Variants in CUBN observed in about 807,000 individuals in gnomAD.
CUBN encodes the protein cubilin, also known as 460 kDa receptor.
Under a neutral mutation model 405.3 loss-of-function variants are expected in CUBN, and 282 were observed. The observed-to-expected ratio is 0.70, with a 90% confidence interval of 0.63 to 0.77. The LOEUF (loss-of-function observed/expected upper bound fraction) is 0.77, where lower values mean the gene tolerates loss of function less well. Among genes scored for constraint, CUBN ranks in the 30% least tolerant of loss-of-function variants. The pLI, the probability that CUBN is intolerant of heterozygous loss-of-function variation, is 0.00. For synonymous variants in CUBN, 1,684 were observed against 1,617.0 expected (o/e 1.04, Z -0.99); for missense variants, 4,514 against 4,475.2 (o/e 1.01, Z -0.25).
intron 43 of CUBN, among the ~76,000 whole-genome samples, chr10:16,924,090 G>A (rs1842115511): frequency 6.7e-6 from 1 of 148,802 alleles, no homozygotes; most frequent in Admixed American, 6.7e-5. Context: ...AAAAGACTGA[G>A]TCTATTATAA....
chr10:16,921,446 C>G (rs948033480), intron 43 of CUBN, among the ~76,000 whole-genome samples: 1 of 152,122 alleles, frequency 6.6e-6, no homozygotes, highest in African/African-American at 2.4e-5. Context: ...GTCTGTCTCT[C>G]TCCTTCTCTC....
chr10:16,942,943 A>G (rs185008142), intron 36 of CUBN, among the ~76,000 whole-genome samples: 44 of 152,232 alleles, frequency 2.9e-4, no homozygotes, highest in African/African-American at 1.0e-3. Flanking sequence ...CTTCTCTGTC[A>G]TGTGTATCTT....
chr10:16,884,136 C>T (rs564750585), intron 56 of CUBN, among the ~76,000 whole-genome samples: 15 of 152,074 alleles, frequency 9.9e-5, no homozygotes, highest in South Asian at 4.1e-4. Context: ...CCCGCCACCA[C>T]GCCCGGCTAA....
intron 28 of CUBN, among the ~76,000 whole-genome samples, chr10:17,009,708 G>A (rs984944891): frequency 6.6e-6 from 1 of 152,160 alleles, no homozygotes; most frequent in Non-Finnish European, 1.5e-5. Flanking sequence ...TCTGGATATT[G>A]GAACCCAGGC....
intron 39 of CUBN, among the ~76,000 whole-genome samples, chr10:16,935,475 G>T (rs187529261): frequency 6.6e-6 from 1 of 152,244 alleles, no homozygotes; most frequent in African/African-American, 2.4e-5. Context: ...TAAGCTCCTG[G>T]AGAGTAGAGA....
intron 36 of CUBN, among the ~76,000 whole-genome samples, chr10:16,946,246 T>C (rs949911921): frequency 1.3e-5 from 2 of 152,198 alleles, no homozygotes; most frequent in Non-Finnish European, 2.9e-5. Context: ...GTGTCACATA[T>C]ACCTCTCTAT....
chr10:17,054,138 G>A (rs1253267020), intron 22 of CUBN, among the ~76,000 whole-genome samples: 1 of 151,754 alleles, frequency 6.6e-6, no homozygotes, highest in Admixed American at 6.6e-5. Context: ...CAAGACCAGG[G>A]TGACCAATAT....
chr10:17,017,178 C>T (rs1834349126), intron 28 of CUBN, among the ~76,000 whole-genome samples: 1 of 152,126 alleles, frequency 6.6e-6, no homozygotes, highest in African/African-American at 2.4e-5. Flanking sequence ...TCTCCCTCTG[C>T]CCAAGAACCC....
At chr10:17,059,997 A>T (rs1172033997) in intron 22 of CUBN, among the ~76,000 whole-genome samples, 1 of 152,062 alleles carries the variant, frequency 6.6e-6, no homozygotes, top group Non-Finnish European at 1.5e-5. Flanking sequence ...TGTAGATGAG[A>T]GATCTCAGGT....
At chr10:16,862,715 A>G (rs774578277) in intron 59 of CUBN, among the ~76,000 whole-genome samples, 3 of 152,210 alleles carry the variant, frequency 2.0e-5, no homozygotes, top group African/African-American at 4.8e-5. Flanking sequence ...AGCCAGGCTG[A>G]TCTGAGTAAG....
At chr10:16,988,204 G>A (rs1355903869) in intron 29 of CUBN, among the ~76,000 whole-genome samples, 1 of 152,214 alleles carries the variant, frequency 6.6e-6, no homozygotes, top group African/African-American at 2.4e-5. Flanking sequence ...GCACTTTGGA[G>A]TATGAAAATA....
At chr10:17,128,807 T>A (rs562348088) in intron 2 of CUBN, among the ~76,000 whole-genome samples, 6 of 152,278 alleles carry the variant, frequency 3.9e-5, no homozygotes, top group African/African-American at 1.4e-4. Context: ...TATAGTTAGA[T>A]AGAAGAAATA....
At position 16,888,568 on chromosome 10, in the gene CUBN, T is replaced by C; in HGVS notation, c.8756-2A>G. 2 of 1,612,022 alleles carry C rather than the reference T, an allele frequency of 1.2e-6. No individual in the cohort carries two copies. The highest frequency in any genetic ancestry group is 1.7e-6 in the Non-Finnish European group (2 of 1,178,224). On this transcript the variant is annotated splice_acceptor_variant, in intron 55 of 66. Transcript: ENST00000377833. LOFTEE classifies it high-confidence loss of function. ...GGCCAGTGAAATTACTTCCACATCC[T>C]ATGTGGGAACAAAAAGTCATCATCA...
chr10:17,077,729 G>C (rs72775023), intron 17 of CUBN, among the ~76,000 whole-genome samples: 10,837 of 152,134 alleles, frequency 0.071, 455 homozygotes, highest in East Asian at 0.11. Flanking sequence ...GGGCTAATCT[G>C]GGTGAGCAGG....
intron 31 of CUBN, among the ~76,000 whole-genome samples, chr10:16,955,215 A>G (rs1843022115): frequency 1.3e-5 from 2 of 151,930 alleles, no homozygotes. Flanking sequence ...CTAATAAAAA[A>G]TACACAAATT....
chr10:16,894,878 GCACT>G (rs1841135410), intron 54 of CUBN, among the ~76,000 whole-genome samples: 1 of 152,030 alleles, frequency 6.6e-6, no homozygotes, highest in Non-Finnish European at 1.5e-5. Context: ...ATTATTTTTA[GCACT>G]CAGATCCTGC....
chr10:16,977,425 T>C (rs1202453844), intron 31 of CUBN, among the ~76,000 whole-genome samples: 2 of 152,152 alleles, frequency 1.3e-5, no homozygotes, highest in Admixed American at 1.3e-4. Context: ...AAGGAGCATC[T>C]GAACATTGAG....
intron 13 of CUBN, among the ~76,000 whole-genome samples, chr10:17,102,810 G>A (rs142020255): frequency 1.8e-3 from 265 of 151,410 alleles, no homozygotes; most frequent in South Asian, 3.1e-3. Context: ...TAGAGACAGG[G>A]TTTCGCCATA....
chr10:17,043,909 A>G lies in CUBN; in HGVS notation c.3747T>C (p.Arg1249=). The part of the protein sequence containing the change: ...LCGDEKPPLI[R]SSGDSMFIKL... ...TTATAAACATGCTGTCTCCACTAGA[A>G]CGAATAAGAGGGGGTTTCTCATCCC... Residue 1249 remains arginine (R), a synonymous_variant, in exon 26 of 67, where the codon CGT becomes CGC. Transcript: ENST00000377833. The G allele has an allele frequency of 6.2e-7, 1 of 1,613,644 alleles. No homozygotes were observed. The highest frequency in any genetic ancestry group is 8.5e-7 in the Non-Finnish European group (1 of 1,179,764).
Sources: gnomAD v4.1 joint callset for allele counts (sites outside exome capture counted in the v4.1 genomes callset) on GRCh38, gnomAD v4.1.1 for gene constraint, MANE v1.5 for transcripts, NCBI Gene and HGNC (gene_info 2026-07-23, HGNC 2026-07-21) for gene names.